TTN: variants seen among roughly 807,000 people sequenced by gnomAD.
The protein encoded by TTN is connectin.
A neutral mutation model predicts 3,223.0 loss-of-function variants in TTN; 1,525 were observed. The ratio of observed to expected loss-of-function variants is 0.47; its 90% CI spans 0.45 to 0.49. The LOEUF is 0.49. Ranked by LOEUF, TTN falls within the 20% of genes least tolerant of loss-of-function variation. The probability of loss-of-function intolerance (pLI) is 0.00; values close to 1 mark genes in which losing one functional copy is unlikely to be tolerated. For missense variants in TTN, 40,786 were observed against 43,424.0 expected, an observed-to-expected ratio of 0.94 and a Z score of 5.40; for synonymous variants, 14,094 against 15,161.0, an observed-to-expected ratio of 0.93 and a Z score of 5.17.
At chr2:178,718,289 G>A (rs780027646) in intron 85 of TTN, 33 bp downstream of exon 85, 20 of 1,601,900 alleles carry the variant, frequency 1.2e-5, no homozygotes, top group Non-Finnish European at 1.5e-5. Context: ...TGAAAAGAAA[G>A]AGAGCAATAA....
chr2:178,775,279 G>T, intron 28 of TTN, 77 bp from the exon 29 acceptor site: 2 of 1,612,032 alleles, frequency 1.2e-6, no homozygotes, highest in African/African-American at 1.3e-5. Context: ...AATGGGGAAA[G>T]AAAATAAAAG....
intron 218 of TTN, 81 bp downstream of exon 218, chr2:178,644,466 GA>G: frequency 9.6e-7 from 1 of 1,044,954 alleles, no homozygotes; most frequent in Non-Finnish European, 1.4e-6. Flanking sequence ...AAGAGAGACA[GA>G]ACATTCGATG....
Position 178,527,009 on chromosome 2 carries a change from C to G in TTN, c.*3G>C. 1 of 1,608,534 alleles carries G rather than the reference C, an allele frequency of 6.2e-7. No homozygotes were observed. Among genetic ancestry groups the G allele is most frequent in the Non-Finnish European group, 8.5e-7 (1 of 1,176,398 alleles). Reference sequence around the variant, plus strand: ...AGTGTAGAGTATAAGGGCACAGGCCCTCTTAAATGGATCGAATATGTATAT... The same window carrying G: ...AGTGTAGAGTATAAGGGCACAGGCCGTCTTAAATGGATCGAATATGTATAT... On this transcript the variant is annotated 3_prime_UTR_variant, in exon 363 of 363. Coordinates refer to ENST00000589042, the MANE Select transcript of TTN (RefSeq NM_001267550.2).
At chr2:178,580,720 G>C in intron 316 of TTN, 111 bp from the exon 317 acceptor site, 1 of 1,104,326 alleles carries the variant, frequency 9.1e-7, no homozygotes, top group Non-Finnish European at 1.3e-6. Flanking sequence ...CTGATTTCTT[G>C]TTCTTTAAAA....
Position 178,750,021 on chromosome 2 carries a change from C to T in TTN, c.11311+3103G>A, listed in dbSNP as rs771758341. ...GGCATTGCTTTAGGTTCCAGCTCCT[C>T]AGTTTGAAACACTTCTTTAGACTCT... On this transcript the variant is annotated intron_variant, in intron 47 of 362. Coordinates refer to ENST00000589042, the MANE Select transcript of TTN (RefSeq NM_001267550.2). 4.3e-6 allele frequency: 7 copies of T among 1,613,204 alleles called. No individual in the cohort carries two copies. The Admixed American group carries it at 1.0e-4, about 23-fold the overall frequency.
In TTN at chr2:178,562,993, T is replaced by C. The variant is rs779302196; in HGVS notation, c.83139A>G (p.Glu27713=). The change falls in exon 326 of 363, where the codon GAA becomes GAG. Residue 27713 remains glutamate (E), a synonymous_variant. Transcript: ENST00000589042. ...PEPEVKWEKA[E]GILTDRAQIE... ...TCTGAGCCCTGTCAGTGAGAATGCC[T>C]TCTGCCTTTTCCCATTTAACTTCGG... 1.2e-5 allele frequency: 20 copies of C among 1,613,606 alleles called. No homozygotes were observed. The highest frequency in any genetic ancestry group is 1.7e-5 in the Non-Finnish European group (20 of 1,179,740).
chr2:178,528,964 G>A lies in TTN; in HGVS notation c.106787C>T (p.Thr35596Ile), dbSNP rs55842557. The A allele has an allele frequency of 8.2e-3, 13,163 of 1,613,970 alleles. 201 individuals are homozygous for A. Among genetic ancestry groups the A allele is most frequent in the Non-Finnish European group, 6.8e-3 (8,061 of 1,179,886 alleles). ...TCTGACTTCTTCTGATGCCTGTGATGTTTTAGTGATTTCCTCATGGACAAT... is the reference window on the plus strand; with the variant it reads ...TCTGACTTCTTCTGATGCCTGTGATATTTTAGTGATTTCCTCATGGACAAT... ...KSIVHEEITK[T>I]SQASEEVRTH... The change falls in exon 360 of 363, where the codon ACA (threonine) becomes ATA (isoleucine). Residue 35596 changes from threonine (T) to isoleucine (I), a missense_variant. Thr to Ile is a moderately conservative substitution (Grantham distance 89, BLOSUM62 -1). Coordinates refer to ENST00000589042, the MANE Select transcript of TTN (RefSeq NM_001267550.2).
intron 43 of TTN, among the ~76,000 whole-genome samples, chr2:178,763,570 T>C (rs577232082): frequency 1.3e-5 from 2 of 152,116 alleles, no homozygotes; most frequent in Non-Finnish European, 2.9e-5. Context: ...ACGGAATTCC[T>C]AGCCTCATAA....
Position 178,727,586 on chromosome 2 carries a change from T to C in TTN, c.19992A>G (p.Thr6664=), listed in dbSNP as rs1560749476. Residue 6664 remains threonine, a splice_region_variant and synonymous_variant, in exon 68 of 363, where the codon ACA becomes ACG. Coordinates refer to ENST00000589042, the MANE Select transcript of TTN (RefSeq NM_001267550.2). ...CATAAAGGAATCAAATTTGCACACC[T>C]GTCACAAGCAACATCGTAGTACAAG... ...SDSCTTMLLV[T]EPPKFVKKLE... The C allele has an allele frequency of 2.6e-6, 4 of 1,560,298 alleles. No individual in the cohort carries two copies. The highest frequency in any genetic ancestry group is 3.5e-6 in the Non-Finnish European group (4 of 1,154,960).
chr2:178,621,629 T>C lies in TTN; in HGVS notation c.45195A>G (p.Lys15065=). The C allele has an allele frequency of 6.2e-7, 1 of 1,612,524 alleles. No homozygotes were observed. The highest frequency in any genetic ancestry group is 1.7e-4 in the Middle Eastern group (1 of 6,052). ...SKPGAEVIWY[K]GDEEIIETGR... ...CTGTTTCAATGATCTCCTCATCCCC[T>C]TTATACCAAATCACTTCTGCGCCAG... The change falls in exon 245 of 363, where the codon AAA becomes AAG. Residue 15065 remains lysine (K), a synonymous_variant. Transcript: ENST00000589042.
intron 260 of TTN, 31 bp downstream of exon 260, chr2:178,614,816 A>G: frequency 6.3e-7 from 1 of 1,585,734 alleles, no homozygotes; most frequent in East Asian, 2.3e-5. Context: ...TCAGAGGCCT[A>G]TTTGATAAGA....
Position 178,775,459 on chromosome 2 carries a change from T to C in TTN, c.6405A>G (p.Glu2135=), listed in dbSNP as rs545008484. 1.2e-6 allele frequency: 2 copies of C among 1,614,032 alleles called. No individual in the cohort carries two copies. The highest frequency in any genetic ancestry group is 2.2e-5 in the East Asian group (1 of 44,828). Residue 2135 remains glutamate (E), a synonymous_variant, in exon 28 of 363, where the codon GAA becomes GAG. Coordinates refer to ENST00000589042, the MANE Select transcript of TTN (RefSeq NM_001267550.2). Reference sequence around the variant, plus strand: ...CAGCAGTCACATCTCTTATGACCAATTCACAAACATTGTCTTCGGGCCAGT... The same window carrying C: ...CAGCAGTCACATCTCTTATGACCAACTCACAAACATTGTCTTCGGGCCAGT... ...YWYWPEDNVC[E]LVIRDVTAED... is the part of the protein sequence containing the mutation.
In TTN at chr2:178,591,956, G is replaced by A. The variant is rs764382496; in HGVS notation, c.59926+22C>T. 1.6e-5 allele frequency: 25 copies of A among 1,607,778 alleles called. No homozygotes were observed. The East Asian group carries it at 4.5e-4, about 29-fold the overall frequency. ...TTAAAGACAGTCAAACAATAGTTTTGTATTCAGAGAAAGCAACTTACGGAG... is the reference window on the plus strand; with the variant it reads ...TTAAAGACAGTCAAACAATAGTTTTATATTCAGAGAAAGCAACTTACGGAG... On this transcript the variant is annotated intron_variant, in intron 302 of 362. Coordinates refer to ENST00000589042, the MANE Select transcript of TTN (RefSeq NM_001267550.2).
rs370668637 is a variant in TTN, at chr2:178,717,604, G to C, written c.25270C>G (p.Gln8424Glu). ...CAATTATACTGCCCTATGTGGCTCT[G>C]GTCAGTTTGTAAAATCTGAAGAGTT... Reference protein sequence around the residue: ...VATLQILQTDQSHIGQYNCSA... With the variant: ...VATLQILQTDESHIGQYNCSA... The change falls in exon 87 of 363, where the codon CAG becomes GAG. Residue 8424 changes from glutamine to glutamate, a missense_variant. Coordinates refer to ENST00000589042, the MANE Select transcript of TTN (RefSeq NM_001267550.2). 55 of 1,613,076 alleles carry C rather than the reference G, an allele frequency of 3.4e-5. No homozygotes were observed. Among genetic ancestry groups the C allele is most frequent in the Non-Finnish European group, 4.7e-5 (55 of 1,179,540 alleles).
chr2:178,710,418 G>A (rs1305786626), intron 98 of TTN, among the ~76,000 whole-genome samples: 1 of 152,210 alleles, frequency 6.6e-6, no homozygotes, highest in Non-Finnish European at 1.5e-5. Context: ...CTGTACTCCA[G>A]CCTGTGCGAC....
At position 178,569,837 on chromosome 2, in the gene TTN, T is replaced by C. The variant is rs760107858; in HGVS notation, c.76295A>G (p.Asp25432Gly). 2 of 1,613,498 alleles carry C rather than the reference T, an allele frequency of 1.2e-6. No homozygotes were observed. The highest frequency in any genetic ancestry group is 3.3e-4 in the Middle Eastern group (2 of 6,050). ...GTATCCTTGAATTTCACAGCCACCA[T>C]CATATATTGGTTTGCTCCAAGAAAG... ...VFLSWSKPIY[D>G]GGCEIQGYIV... The change falls in exon 326 of 363, where the codon GAT (aspartate) becomes GGT (glycine). Residue 25432 changes from aspartate (D) to glycine (G), a missense_variant. Transcript: ENST00000589042.
At chr2:178,668,327 T>C (rs189780749) in intron 159 of TTN, among the ~76,000 whole-genome samples, 1 of 152,238 alleles carries the variant, frequency 6.6e-6, no homozygotes, top group East Asian at 1.9e-4. Context: ...AAGTCAAGAA[T>C]AGAAAGGATA....
In TTN at chr2:178,529,997, A is replaced by G. The variant is rs1372440984; in HGVS notation, c.106494T>C (p.Ala35498=). The G allele has an allele frequency of 6.2e-7, 1 of 1,603,242 alleles. No homozygotes were observed. The highest frequency in any genetic ancestry group is 1.8e-5 in the Admixed American group (1 of 56,756). ...GLYTCTVKNS[A]GSVSSSCKLT... is the part of the protein sequence containing the mutation. ...ATTTGCAGCTAGAGGACACAGATCCAGCTGAATTTTTTACTGTACAAGTAT... is the reference window on the plus strand; with the variant it reads ...ATTTGCAGCTAGAGGACACAGATCCGGCTGAATTTTTTACTGTACAAGTAT... The change falls in exon 359 of 363, where the codon GCT becomes GCC. Residue 35498 remains alanine (A), a synonymous_variant. Transcript: ENST00000589042.
chr2:178,719,044 T>C, intron 83 of TTN, 71 bp from the exon 84 acceptor site: 8 of 1,517,104 alleles, frequency 5.3e-6, no homozygotes, highest in Non-Finnish European at 5.3e-6. Flanking sequence ...TTTTGCTCCT[T>C]AAAAAAAGGG....
Sources: gnomAD v4.1 joint callset for allele counts (sites outside exome capture counted in the v4.1 genomes callset) on GRCh38, gnomAD v4.1.1 for gene constraint, MANE v1.5 for transcripts, NCBI Gene and HGNC (gene_info 2026-07-23, HGNC 2026-07-21) for gene names.